LAX1: variants seen among roughly 807,000 people sequenced by gnomAD.
The protein encoded by LAX1 is lymphocyte transmembrane adapter 1.
A neutral mutation model predicts 20.7 loss-of-function variants in LAX1; 17 were observed. The observed-to-expected ratio is 0.82, with a 90% CI of 0.56 to 1.23. LAX1 has a LOEUF of 1.23. Ranked by LOEUF, LAX1 falls within the 50% of genes most tolerant of loss-of-function variation. The pLI is 0.00. For missense variants in LAX1, 470 were observed against 487.0 expected, an observed-to-expected ratio of 0.97 and a Z score of 0.33; for synonymous variants, 165 against 181.0, an observed-to-expected ratio of 0.91 and a Z score of 0.71.
chr1:203,765,774 C>T (rs1341306680), intron 1 of LAX1, 120 bp downstream of exon 1: 1 of 900,706 alleles, frequency 1.1e-6, no homozygotes, highest in Non-Finnish European at 1.8e-6. Flanking sequence ...GCTCGGTCTA[C>T]TAAACCACCA....
At chr1:203,768,058 C>T (rs1035391101) in intron 1 of LAX1, among the ~76,000 whole-genome samples, 7 of 152,072 alleles carry the variant, frequency 4.6e-5, no homozygotes, top group Admixed American at 4.6e-4. Flanking sequence ...CGCCTGTAAT[C>T]CCAGCACTTT....
In LAX1 at chr1:203,773,888, G is replaced by C; in HGVS notation, c.404G>C (p.Gly135Ala). The change falls in exon 5 of 5, where the codon GGC (glycine) becomes GCC (alanine). Residue 135 changes from glycine to alanine, a missense_variant. Coordinates refer to ENST00000442561, the MANE Select transcript of LAX1 (RefSeq NM_017773.4). ...TCTTCTTCATAGCCCTCCCAAGCAG[G>C]CAATGCCTTCCAGGAGCATACAGCC... ...ESPEHVPSQA[G>A]NAFQEHTAHI... 6.2e-7 allele frequency: 1 copy of C among 1,602,640 alleles called. No individual in the cohort carries two copies. Among genetic ancestry groups the C allele is most frequent in the Non-Finnish European group, 8.5e-7 (1 of 1,174,162 alleles).
intron 2 of LAX1, 48 bp downstream of exon 2, chr1:203,770,985 C>A: frequency 2.1e-6 from 3 of 1,430,908 alleles, no homozygotes; most frequent in Non-Finnish European, 3.0e-6. Flanking sequence ...GATTATTAAT[C>A]TAGGCTGGAA....
chr1:203,770,561 G>GAAAGAAAGAA (rs1667403341), intron 1 of LAX1, among the ~76,000 whole-genome samples: 2 of 150,522 alleles, frequency 1.3e-5, no homozygotes, highest in Non-Finnish European at 3.0e-5. Context: ...AAGAAAGAAA[G>GAAAGAAAGAA]AAAGAAAGAG....
At chr1:203,771,917 A>G (rs1285283344) in intron 3 of LAX1, 151 bp from the exon 4 acceptor site, 4 of 653,354 alleles carry the variant, frequency 6.1e-6, no homozygotes, top group Non-Finnish European at 1.1e-5. Flanking sequence ...TCATCCCCAT[A>G]ACTCTGACCT....
At chr1:203,769,442 AAGGAAAG>A (rs1401022567) in intron 1 of LAX1, among the ~76,000 whole-genome samples, 2 of 60,630 alleles carry the variant, frequency 3.3e-5, no homozygotes, top group Non-Finnish European at 8.7e-5. Context: ...AGAAAGAAAG[AAGGAAAG>A]AAAGAAAAGA....
chr1:203,776,078 G>C lies in LAX1; in HGVS notation c.*1397G>C, dbSNP rs982162981. 1 of 152,206 alleles carries C rather than the reference G, an allele frequency of 6.6e-6. No individual in the cohort carries two copies. Among genetic ancestry groups the C allele is most frequent in the African/African-American group, 2.4e-5 (1 of 41,426 alleles). 9.4% of individuals were successfully genotyped at this position (152,206 alleles called of 1,614,324 possible). On this transcript the variant is annotated 3_prime_UTR_variant, in exon 5 of 5. Coordinates refer to ENST00000442561, the MANE Select transcript of LAX1 (RefSeq NM_017773.4). ...CACACCCGTAATCCCAGCACTTTGC[G>C]GGGCCGAGGCAGGGGAACACAAGGT...
chr1:203,766,902 C>A, intron 1 of LAX1, among the ~76,000 whole-genome samples: 1 of 152,068 alleles, frequency 6.6e-6, no homozygotes, highest in East Asian at 1.9e-4. Flanking sequence ...GTCGCCCAGG[C>A]TGGAGTGCAG....
chr1:203,774,534 A>T lies in LAX1; in HGVS notation c.1050A>T (p.Pro350=), dbSNP rs1241803708. ...CAGGGGATTATGCAGACTTTCAGCC[A>T]TTCACACAGAGTGAGGACAGTCAGA... is the stretch of plus-strand genomic sequence containing the variant. ...LASGDYADFQ[P]FTQSEDSQMK... is the part of the protein sequence containing the mutation. The change falls in exon 5 of 5, where the codon CCA becomes CCT. Residue 350 remains proline, a synonymous_variant. Coordinates refer to ENST00000442561, the MANE Select transcript of LAX1 (RefSeq NM_017773.4). 2 of 1,614,118 alleles carry T rather than the reference A, an allele frequency of 1.2e-6. No homozygotes were observed. The highest frequency in any genetic ancestry group is 8.5e-7 in the Non-Finnish European group (1 of 1,180,030).
rs762327821 is a variant in LAX1, at chr1:203,774,683, G to A, written c.*2G>A. On this transcript the variant is annotated 3_prime_UTR_variant, in exon 5 of 5. Transcript: ENST00000442561. ...ACTCAGCTCCTTCCTGATGAATGAA[G>A]ACCCAGGTACCCAGCCATAAAGCCA... 3 of 1,612,024 alleles carry A rather than the reference G, an allele frequency of 1.9e-6. No individual in the cohort carries two copies. Among genetic ancestry groups the A allele is most frequent in the Non-Finnish European group, 2.5e-6 (3 of 1,179,200 alleles).
At position 203,774,577 on chromosome 1, in the gene LAX1, A is replaced by T. The variant is rs1431371856; in HGVS notation, c.1093A>T (p.Met365Leu). ...CAGTCAGATGAAACATAGAGAAGAG[A>T]TGTCAAATGAGGACTCCAGTGACTA... ...EDSQMKHREE[M>L]SNEDSSDYEN... The change falls in exon 5 of 5, where the codon ATG (methionine) becomes TTG (leucine). Residue 365 changes from methionine (M) to leucine (L), a missense_variant. Met to Leu is a conservative substitution (Grantham distance 15). Coordinates refer to ENST00000442561, the MANE Select transcript of LAX1 (RefSeq NM_017773.4). 1 of 1,614,192 alleles carries T rather than the reference A, an allele frequency of 6.2e-7. No homozygotes were observed. The highest frequency in any genetic ancestry group is 1.1e-5 in the South Asian group (1 of 91,088).
chr1:203,770,454 AAAG>A (rs1667388490), intron 1 of LAX1, among the ~76,000 whole-genome samples: 1,128 of 21,834 alleles, frequency 0.052, 163 homozygotes, highest in Middle Eastern at 0.1. Flanking sequence ...AGAGAGAGAG[AAAG>A]GAAGGAAGGA....
intron 3 of LAX1, among the ~76,000 whole-genome samples, 169 bp downstream of exon 3, chr1:203,771,646 G>A (rs1427493687): frequency 6.6e-6 from 1 of 152,124 alleles, no homozygotes; most frequent in South Asian, 2.1e-4. Context: ...CTCCAGGGGG[G>A]TCTGGAGGGC....
chr1:203,774,128 ATC>A lies in LAX1; in HGVS notation c.648_649del (p.Phe217CysfsTer12). On this transcript the variant is annotated frameshift_variant, in exon 5 of 5. Coordinates refer to ENST00000442561, the MANE Select transcript of LAX1 (RefSeq NM_017773.4). LOFTEE classifies it low-confidence loss of function (END_TRUNC). ...GCTTCTACCAAAAGCCCTTCCAGAA[ATC>A]TCTTTGTTCTTCCCAGTACCCAGAA... 6.2e-7 allele frequency: 1 copy of A among 1,614,132 alleles called. No homozygotes were observed. Among genetic ancestry groups the A allele is most frequent in the Non-Finnish European group, 8.5e-7 (1 of 1,180,028 alleles).
rs796111187 is a variant in LAX1 at position 203,770,415 on chromosome 1, A to AAAAG, written c.90-395_90-392dup. 3.6e-3 allele frequency among the ~76,000 whole-genome samples: 123 copies of AAAAG among 34,008 alleles called. 6 individuals carry two copies. The highest frequency in any genetic ancestry group is 4.6e-3 in the African/African-American group (94 of 20,378). The allele number at this position is 34,008 out of a possible 152,430, so 22.3% of individuals were successfully genotyped here. The stretch of plus-strand genomic sequence containing the variant: ...TGGGCGACAGAGAAAGACTCCATCA[A>AAAAG]AAAGAAAGAAAGAAAGAAAGAGAGA... On this transcript the variant is annotated intron_variant, in intron 1 of 4. Coordinates refer to ENST00000442561, the MANE Select transcript of LAX1 (RefSeq NM_017773.4).
chr1:203,771,287 G>T, intron 2 of LAX1, 80 bp from the exon 3 acceptor site: 1 of 889,052 alleles, frequency 1.1e-6, no homozygotes, highest in Non-Finnish European at 1.9e-6. Context: ...CATTTTCAGG[G>T]GCCATCTCAT....
intron 3 of LAX1, 65 bp from the exon 4 acceptor site, chr1:203,772,003 G>A (rs1667430017): frequency 1.6e-6 from 2 of 1,264,084 alleles, no homozygotes; most frequent in Middle Eastern, 1.9e-4. Flanking sequence ...CATGATGCAG[G>A]GATTATTTGG....
chr1:203,771,474 C>T lies in LAX1; in HGVS notation c.307C>T (p.Leu103=), dbSNP rs1416552319. ...CATCTTGCCTTGGCGACAGGAAGAC[C>T]TGGGTAGGTTTTTCCTTCTAATCTA... ...YDILPWRQED[L]GRHESRSMRI... The change falls in exon 3 of 5, where the codon CTG becomes TTG. Residue 103 remains leucine, a synonymous_variant. Transcript: ENST00000442561. 1 of 1,595,254 alleles carries T rather than the reference C, an allele frequency of 6.3e-7. No individual in the cohort carries two copies. Among genetic ancestry groups the T allele is most frequent in the Non-Finnish European group, 8.6e-7 (1 of 1,162,928 alleles).
chr1:203,765,754 C>A, intron 1 of LAX1, 100 bp downstream of exon 1: 2 of 1,101,512 alleles, frequency 1.8e-6, no homozygotes, highest in Non-Finnish European at 2.7e-6. Context: ...TGCCACCTCT[C>A]AACACCCAGG....
Sources: allele counts gnomAD v4.1 joint callset (sites outside exome capture counted in the v4.1 genomes callset), GRCh38; gene constraint gnomAD v4.1.1; transcripts MANE v1.5; gene names NCBI Gene and HGNC (gene_info 2026-07-23, HGNC 2026-07-21).